LMNB1: variants seen among roughly 807,000 people sequenced by gnomAD.
The protein encoded by LMNB1 is lamin-B1.
In LMNB1, 23 loss-of-function variants were observed where a neutral mutation model predicts 67.1. The observed-to-expected ratio is 0.34, with a 90% CI of 0.25 to 0.49. LMNB1 has a LOEUF of 0.49. Ranked by LOEUF, LMNB1 falls within the 20% of genes least tolerant of loss-of-function variation. The probability of loss-of-function intolerance (pLI) is 0.99; values close to 1 mark genes in which losing one functional copy is unlikely to be tolerated. For missense variants in LMNB1, 634 were observed against 746.5 expected, an observed-to-expected ratio of 0.85 and a Z score of 1.76; for synonymous variants, 281 against 282.9, an observed-to-expected ratio of 0.99 and a Z score of 0.07.
chr5:126,812,427 C>T (rs376102670), intron 5 of LMNB1, among the ~76,000 whole-genome samples: 3 of 152,186 alleles, frequency 2.0e-5, no homozygotes, highest in Admixed American at 2.0e-4. Context: ...TTCGTTGGTA[C>T]GCCTAAGTGA....
At position 126,777,342 on chromosome 5, in the gene LMNB1, C is replaced by T; in HGVS notation, c.-167C>T. 1.4e-6 allele frequency: 1 copy of T among 704,138 alleles called. No homozygotes were observed. Among genetic ancestry groups the T allele is most frequent in the Non-Finnish European group, 2.0e-6 (1 of 508,688 alleles). The allele number at this position is 704,138 out of a possible 1,614,324, so 43.6% of individuals were successfully genotyped here. A position where few individuals can be genotyped will look rare whatever the true frequency, so the allele number is the denominator to read the frequency against. ...GCGCCTTTGCCCTTTGTGCTGTAAT[C>T]GAGCTCCCGCCATCCCAGGTGCTTC... On this transcript the variant is annotated 5_prime_UTR_variant, in exon 1 of 11. Coordinates refer to ENST00000261366, the MANE Select transcript of LMNB1 (RefSeq NM_005573.4).
Position 126,800,982 on chromosome 5 carries a change from A to ATATAAT in LMNB1, c.360-3793_360-3792insATAATT. Among the ~76,000 whole-genome samples the ATATAAT allele has an allele frequency of 3.0e-3, 55 of 18,634 alleles. 3 individuals carry two copies. Among genetic ancestry groups the ATATAAT allele is most frequent in the African/African-American group, 9.1e-3 (54 of 5,924 alleles). The allele number at this position is 18,634 out of a possible 152,430, so 12.2% of individuals were successfully genotyped here. ...ATATATATATATATATATATATATA[A>ATATAAT]TTTTTTTTTTTTTTTTTTGGTGGTA... On this transcript the variant is annotated intron_variant, in intron 1 of 10. Coordinates refer to ENST00000261366, the MANE Select transcript of LMNB1 (RefSeq NM_005573.4).
Position 126,788,207 on chromosome 5 carries a change from G to A in LMNB1, c.359+10340G>A, listed in dbSNP as rs797012704. 4.0e-4 allele frequency among the ~76,000 whole-genome samples: 61 copies of A among 152,310 alleles called. 1 individual carries two copies. The highest frequency in any genetic ancestry group is 1.3e-3 in the African/African-American group (54 of 41,584). On this transcript the variant is annotated intron_variant, in intron 1 of 10. Coordinates refer to ENST00000261366, the MANE Select transcript of LMNB1 (RefSeq NM_005573.4). Reference sequence around the variant, plus strand: ...AATGAACAGGTTTGGAGGACCCTAAGTCAGTGAATTAGTGGTGTTTGCCGG... The same window carrying A: ...AATGAACAGGTTTGGAGGACCCTAAATCAGTGAATTAGTGGTGTTTGCCGG...
chr5:126,824,656 C>G (rs1440615227), intron 8 of LMNB1, among the ~76,000 whole-genome samples: 2 of 152,200 alleles, frequency 1.3e-5, no homozygotes, highest in African/African-American at 4.8e-5. Flanking sequence ...GAAACACTAA[C>G]ATTCCACATA....
chr5:126,832,921 A>G (rs1438414471), intron 10 of LMNB1, 120 bp downstream of exon 10: 3 of 571,500 alleles, frequency 5.2e-6, no homozygotes, highest in Non-Finnish European at 9.0e-6. Flanking sequence ...TTATCTACCA[A>G]GTGGGGTTTG....
chr5:126,804,238 C>CT (rs61232506), intron 1 of LMNB1, among the ~76,000 whole-genome samples: 10,232 of 101,156 alleles, frequency 0.1, 712 homozygotes, highest in Non-Finnish European at 0.11. Context: ...GTGCCAGGCT[C>CT]TTTTTTTTTT....
At chr5:126,815,789 A>G (rs2126723289) in intron 5 of LMNB1, among the ~76,000 whole-genome samples, 1 of 152,352 alleles carries the variant, frequency 6.6e-6, no homozygotes, top group Admixed American at 6.5e-5. Context: ...ATATTTCACT[A>G]CACAGGTGTA....
At chr5:126,787,422 G>GTA (rs943328058) in intron 1 of LMNB1, among the ~76,000 whole-genome samples, 8 of 108,914 alleles carry the variant, frequency 7.3e-5, no homozygotes, top group African/African-American at 2.1e-4. Context: ...GTATGTGTGT[G>GTA]TATATATACA....
At chr5:126,824,017 T>C (rs1751931867) in intron 8 of LMNB1, among the ~76,000 whole-genome samples, 1 of 152,218 alleles carries the variant, frequency 6.6e-6, no homozygotes, top group Non-Finnish European at 1.5e-5. Flanking sequence ...CATGTGCTTT[T>C]TCTACTGGGT....
intron 1 of LMNB1, among the ~76,000 whole-genome samples, chr5:126,793,032 A>G (rs1023776502): frequency 6.6e-6 from 1 of 152,198 alleles, no homozygotes; most frequent in African/African-American, 2.4e-5. Flanking sequence ...CAATGGAACC[A>G]GTAAACTGTT....
intron 1 of LMNB1, among the ~76,000 whole-genome samples, chr5:126,784,667 T>G (rs1232366104): frequency 7.1e-6 from 1 of 140,418 alleles, no homozygotes; most frequent in African/African-American, 2.7e-5. Context: ...AATTTTTTTT[T>G]TTTTTTGAGA....
chr5:126,808,262 C>T (rs1751501252), intron 3 of LMNB1, among the ~76,000 whole-genome samples: 1 of 152,078 alleles, frequency 6.6e-6, no homozygotes. Flanking sequence ...TGGCTCACTG[C>T]AACCTGTGCC....
In LMNB1 at chr5:126,777,475, C is replaced by T. The variant is rs552663721; in HGVS notation, c.-34C>T. 530 of 1,300,018 alleles carry T rather than the reference C, an allele frequency of 4.1e-4. 3 individuals are homozygous for T. In the African/African-American group the frequency reaches 7.5e-3, roughly 18 times the overall value. The allele number at this position is 1,300,018 out of a possible 1,614,324, so 80.5% of individuals were successfully genotyped here. On this transcript the variant is annotated 5_prime_UTR_variant, in exon 1 of 11. Transcript: ENST00000261366. Reference sequence around the variant, plus strand: ...CCCCTCCTTATCACGGTCCCGCTCGCGGCCTCGCCGCCCCGCTGTCTCCGC... The same window carrying T: ...CCCCTCCTTATCACGGTCCCGCTCGTGGCCTCGCCGCCCCGCTGTCTCCGC...
intron 1 of LMNB1, among the ~76,000 whole-genome samples, chr5:126,794,410 G>A (rs918337895): frequency 2.0e-5 from 3 of 152,148 alleles, no homozygotes; most frequent in African/African-American, 7.2e-5. Flanking sequence ...AGCCTGTTAC[G>A]AAATAAAATT....
chr5:126,794,685 G>A (rs1428766187), intron 1 of LMNB1, among the ~76,000 whole-genome samples: 1 of 152,158 alleles, frequency 6.6e-6, no homozygotes, highest in African/African-American at 2.4e-5. Context: ...ACAGAGCTTA[G>A]CCAGCTAGGC....
chr5:126,807,483 T>C (rs1001255724), intron 3 of LMNB1, among the ~76,000 whole-genome samples: 2 of 152,260 alleles, frequency 1.3e-5, no homozygotes, highest in Non-Finnish European at 2.9e-5. Context: ...AATGAAATAC[T>C]AATACTGCTA....
chr5:126,810,349 A>C lies in LMNB1; in HGVS notation c.812A>C (p.Lys271Thr), dbSNP rs1311362227. ...GAGCTGGAGCAGACTTACCATGCCA[A>C]AGTGAGCTCTCTTCAGAAGATTCTT... ...KEELEQTYHA[K>T]LENARLSSEM... The change falls in exon 4 of 11, where the codon AAA (lysine) becomes ACA (threonine). Residue 271 changes from lysine to threonine, a missense_variant and splice_region_variant. Lys to Thr is a moderately conservative substitution (Grantham distance 78, BLOSUM62 -1). Transcript: ENST00000261366. 1 of 1,597,844 alleles carries C rather than the reference A, an allele frequency of 6.3e-7. No homozygotes were observed. Among genetic ancestry groups the C allele is most frequent in the Admixed American group, 1.7e-5 (1 of 59,826 alleles).
At chr5:126,800,982 A>ATTTTTTTTTTTTTTTTT (rs57114367) in intron 1 of LMNB1, among the ~76,000 whole-genome samples, 2 of 18,632 alleles carry the variant, frequency 1.1e-4, no homozygotes, top group African/African-American at 1.7e-4. Flanking sequence ...TATATATATA[A>ATTTTTTTTTTTTTTTTT]TTTTTTTTTT....
At chr5:126,800,981 A>ATTTT (rs1554113727) in intron 1 of LMNB1, among the ~76,000 whole-genome samples, 1 of 28,056 alleles carries the variant, frequency 3.6e-5, no homozygotes, top group Non-Finnish European at 7.0e-5. Context: ...ATATATATAT[A>ATTTT]ATTTTTTTTT....
Sources: allele counts gnomAD v4.1 joint callset (sites outside exome capture counted in the v4.1 genomes callset), GRCh38; gene constraint gnomAD v4.1.1; transcripts MANE v1.5; gene names NCBI Gene and HGNC (gene_info 2026-07-23, HGNC 2026-07-21).